Variants in NOS1 observed in about 807,000 individuals in gnomAD.
The protein encoded by NOS1 is nitric oxide synthase 1.
In NOS1, 51 loss-of-function variants were observed where a neutral mutation model predicts 164.5. That is an observed-to-expected ratio of 0.31 (90% CI 0.25 to 0.39). The LOEUF (loss-of-function observed/expected upper bound fraction) is 0.39. NOS1 is among the 10% of genes least tolerant of loss of function. The pLI, the probability that NOS1 is intolerant of heterozygous loss-of-function variation, is 1.00. For missense variants in NOS1, 1,362 were observed against 1,885.6 expected (o/e 0.72, Z 5.14); for synonymous variants, 719 against 745.8 (o/e 0.96, Z 0.59).
In NOS1 at chr12:117,211,755, G is replaced by T. The variant is rs148157181; in HGVS notation, c.*3554C>A. ...GAAATTTATGTCAGTTCCAAGACGG[G>T]TGTCTCTCTCCATCAGATTATAACC... On this transcript the variant is annotated 3_prime_UTR_variant, in exon 29 of 29. Coordinates refer to ENST00000317775, the MANE Select transcript of NOS1 (RefSeq NM_000620.5). 493 of 985,452 alleles carry T rather than the reference G, an allele frequency of 5.0e-4. 1 individual carries two copies. In the African/African-American group the frequency reaches 7.6e-3, roughly 15 times the overall value. The allele number at this position is 985,452 out of a possible 1,614,324, so 61.0% of individuals were successfully genotyped here.
intron 23 of NOS1, 52 bp from the exon 24 acceptor site, chr12:117,226,822 C>T: frequency 7.2e-7 from 1 of 1,386,200 alleles, no homozygotes; most frequent in Non-Finnish European, 1.0e-6. Flanking sequence ...CGAGCACGGC[C>T]TCCCCTCCTC....
intron 1 of NOS1, among the ~76,000 whole-genome samples, chr12:117,341,617 A>G (rs1163418131): frequency 1.3e-5 from 2 of 152,222 alleles, no homozygotes; most frequent in African/African-American, 2.4e-5. Context: ...CTTCAGTGGC[A>G]CAAAAGCACA....
In NOS1 at chr12:117,290,350, T is replaced by C; in HGVS notation, c.929A>G (p.Asn310Ser). 7 of 1,614,114 alleles carry C rather than the reference T, an allele frequency of 4.3e-6. No homozygotes were observed. The highest frequency in any genetic ancestry group is 5.9e-6 in the Non-Finnish European group (7 of 1,179,996). ...SKCPRFLKVK[N>S]WETEVVLTDT... ...AGTGAGAACCACCTCAGTCTCCCAG[T>C]TCTTGACCTTGAGGAAGCGTGGACA... The change falls in exon 4 of 29, where the codon AAC becomes AGC. Residue 310 changes from asparagine (N) to serine (S), a missense_variant. By Grantham distance (46) the Asn-to-Ser change is conservative. This residue lies in a region of NOS1 where 129 missense variants were observed against 186.0 expected (regional missense o/e 0.69). Transcript: ENST00000317775.
At chr12:117,340,497 C>G (rs1304932772) in intron 1 of NOS1, among the ~76,000 whole-genome samples, 1 of 151,984 alleles carries the variant, frequency 6.6e-6, no homozygotes, top group African/African-American at 2.4e-5. Flanking sequence ...TCTGAGGATA[C>G]AAAGAGATAA....
intron 2 of NOS1, among the ~76,000 whole-genome samples, chr12:117,328,222 G>A (rs1243789174): frequency 3.3e-5 from 5 of 152,148 alleles, no homozygotes; most frequent in African/African-American, 7.2e-5. Context: ...CCAGGCTGGA[G>A]TGCAGTGGTG....
At chr12:117,283,063 T>G (rs1198732318) in intron 7 of NOS1, among the ~76,000 whole-genome samples, 4 of 145,380 alleles carry the variant, frequency 2.8e-5, no homozygotes, top group African/African-American at 1.0e-4. Flanking sequence ...TATATTTTTT[T>G]TTTTTTTTTT....
Position 117,272,483 on chromosome 12 carries a change from C to T in NOS1, c.1741G>A (p.Gly581Ser), listed in dbSNP as rs781503185. The T allele has an allele frequency of 1.2e-6, 2 of 1,614,126 alleles. No homozygotes were observed. Among genetic ancestry groups the T allele is most frequent in the Non-Finnish European group, 8.5e-7 (1 of 1,180,026 alleles). Reference protein sequence around the residue: ...AVSNMLLEIGGLEFSACPFSG... With the variant: ...AVSNMLLEIGSLEFSACPFSG... ...AAGGGACAGGCGCTGAACTCCAGGC[C>T]GCCAATCTCTAGGAGCATGTTGGAC... Residue 581 changes from glycine (G) to serine (S), a missense_variant, in exon 10 of 29, where the codon GGC becomes AGC. Around this residue, in one of 4 missense-constraint regions of NOS1, gnomAD observed 134 missense variants for 267.3 expected, o/e 0.50. Transcript: ENST00000317775. This position sits in a 1 kb window ranked among gnomAD's most constrained non-coding sequence, Gnocchi z 4.3.
rs142799363 is a variant in NOS1 at position 117,355,155 on chromosome 12, A to G, written c.-421+6357T>C. Among the ~76,000 whole-genome samples the G allele has an allele frequency of 4.2e-3, 640 of 152,262 alleles. 5 individuals are homozygous for G. The highest frequency in any genetic ancestry group is 0.014 in the Middle Eastern group (4 of 294). ...ACCTCTGAAAATCTGTAGGCTCCCA[A>G]AGCATCTTGGATGGTCAAAAAGAAA... On this transcript the variant is annotated intron_variant, in intron 1 of 28. Transcript: ENST00000317775.
chr12:117,302,950 T>A (rs1301014032), intron 3 of NOS1, among the ~76,000 whole-genome samples: 1 of 152,148 alleles, frequency 6.6e-6, no homozygotes, highest in Non-Finnish European at 1.5e-5. Context: ...TTCACCATGT[T>A]GGCCAGGCTG....
intron 3 of NOS1, among the ~76,000 whole-genome samples, chr12:117,298,294 T>G (rs1873564008): frequency 6.6e-6 from 1 of 152,032 alleles, no homozygotes; most frequent in African/African-American, 2.4e-5. Context: ...TATGAGAATC[T>G]AAGGCCACCA....
At chr12:117,327,629 GACA>G (rs1364751268) in intron 2 of NOS1, among the ~76,000 whole-genome samples, 1 of 152,180 alleles carries the variant, frequency 6.6e-6, no homozygotes, top group East Asian at 1.9e-4. Context: ...TCTGGAAATG[GACA>G]TCCAATGCCA....
At chr12:117,217,161 C>G (rs2135918410) in intron 28 of NOS1, among the ~76,000 whole-genome samples, 1 of 152,146 alleles carries the variant, frequency 6.6e-6, no homozygotes, top group South Asian at 2.1e-4. Flanking sequence ...GTGAAATTGT[C>G]AAAATCATGT....
rs781021757 is a variant in NOS1 at position 117,290,357 on chromosome 12, C to T, written c.922G>A (p.Val308Ile). 3 of 1,613,996 alleles carry T rather than the reference C, an allele frequency of 1.9e-6. No homozygotes were observed. The highest frequency in any genetic ancestry group is 1.1e-5 in the South Asian group (1 of 91,064). The change falls in exon 4 of 29, where the codon GTC becomes ATC. Residue 308 changes from valine (V) to isoleucine (I), a missense_variant. Around this residue, in one of 4 missense-constraint regions of NOS1, gnomAD observed 129 missense variants for 186.0 expected, o/e 0.69. Transcript: ENST00000317775. ...ACCACCTCAGTCTCCCAGTTCTTGA[C>T]CTTGAGGAAGCGTGGACACTTGGAG... ...SPSKCPRFLK[V>I]KNWETEVVLT... is the part of the protein sequence containing the mutation.
At chr12:117,223,929 C>T (rs1316382315) in intron 25 of NOS1, among the ~76,000 whole-genome samples, 1 of 152,208 alleles carries the variant, frequency 6.6e-6, no homozygotes, top group Non-Finnish European at 1.5e-5. Flanking sequence ...GCTGGGATTA[C>T]AGGCGTGAGC....
At chr12:117,237,256 C>T (rs549185704) in intron 20 of NOS1, among the ~76,000 whole-genome samples, 2 of 151,998 alleles carry the variant, frequency 1.3e-5, no homozygotes, top group African/African-American at 2.4e-5. Flanking sequence ...CTCAGCCTCC[C>T]GAGTAGCTGG....
chr12:117,273,066 TTTAA>T (rs1872910154), intron 9 of NOS1, among the ~76,000 whole-genome samples: 1 of 152,222 alleles, frequency 6.6e-6, no homozygotes, highest in South Asian at 2.1e-4. Flanking sequence ...TTACTCATAC[TTTAA>T]TTGTCAGCTA....
rs747597202 is a variant in NOS1, at chr12:117,212,470, A to G, written c.*2839T>C. 3.0e-6 allele frequency: 3 copies of G among 985,378 alleles called. No homozygotes were observed. The highest frequency in any genetic ancestry group is 3.6e-6 in the Non-Finnish European group (3 of 829,930). The allele number at this position is 985,378 out of a possible 1,614,324, so 61.0% of individuals were successfully genotyped here. A position where few individuals can be genotyped will look rare whatever the true frequency, so the allele number is the denominator to read the frequency against. ...CCTCTCTCCTCCCAAGGAGTTTAACATCATCTCTCTGCTCTTTCACGACAC... is the reference window on the plus strand; with the variant it reads ...CCTCTCTCCTCCCAAGGAGTTTAACGTCATCTCTCTGCTCTTTCACGACAC... On this transcript the variant is annotated 3_prime_UTR_variant, in exon 29 of 29. Coordinates refer to ENST00000317775, the MANE Select transcript of NOS1 (RefSeq NM_000620.5).
chr12:117,315,339 G>T (rs1012922644), intron 2 of NOS1, among the ~76,000 whole-genome samples: 1 of 151,956 alleles, frequency 6.6e-6, no homozygotes, highest in African/African-American at 2.4e-5. Context: ...TAGTAGCTGG[G>T]ATTATAGGTA....
intron 2 of NOS1, among the ~76,000 whole-genome samples, chr12:117,321,115 T>G (rs971089530): frequency 6.6e-6 from 1 of 152,182 alleles, no homozygotes; most frequent in African/African-American, 2.4e-5. Context: ...GTTCAAGCGA[T>G]TCTCCTGCCT....
Sources: gnomAD v4.1 joint callset for allele counts (sites outside exome capture counted in the v4.1 genomes callset) on GRCh38, gnomAD v4.1.1 for gene constraint, gnomAD v4.1.1 regional missense constraint, Gnocchi (gnomAD v3.1) non-coding constraint, MANE v1.5 for transcripts, NCBI Gene and HGNC (gene_info 2026-07-23, HGNC 2026-07-21) for gene names.